The following PTPN21 variants were observed in gnomAD, a reference collection of about 807,000 sequenced individuals.
PTPN21 encodes the protein tyrosine-protein phosphatase non-receptor type 21.
A neutral mutation model predicts 131.8 loss-of-function variants in PTPN21; 77 were observed. The ratio of observed to expected loss-of-function variants is 0.58; its 90% CI spans 0.49 to 0.71. The LOEUF is 0.71. PTPN21 is among the 30% of genes least tolerant of loss of function. The pLI is 0.00. For synonymous variants in PTPN21, 715 were observed against 621.3 expected (o/e 1.15, Z -2.24); for missense variants, 1,552 against 1,527.1 (o/e 1.02, Z -0.27).
rs926665454 is a variant in PTPN21 at position 88,483,073 on chromosome 14, G to A, written c.1078+2003C>T. ...TAAAAATACAAAAAATTAGCCGGGC[G>A]TGGTGGCGGGTGCCTGTAGTCCCAG... On this transcript the variant is annotated intron_variant, in intron 12 of 18. Coordinates refer to ENST00000556564, the MANE Select transcript of PTPN21 (RefSeq NM_007039.4). 3.0e-4 allele frequency among the ~76,000 whole-genome samples: 46 copies of A among 151,806 alleles called. 1 individual carries two copies. The highest frequency in any genetic ancestry group is 2.5e-3 in the Admixed American group (38 of 15,250).
rs115948755 is a variant in PTPN21 at position 88,507,442 on chromosome 14, G to C, written c.448+481C>G. ...TATTGTATAGCCTACTACACACCTA[G>C]GCTATATTGTATAACCTATTGCTCA... On this transcript the variant is annotated intron_variant, in intron 4 of 18. Coordinates refer to ENST00000556564, the MANE Select transcript of PTPN21 (RefSeq NM_007039.4). 5.4e-3 allele frequency among the ~76,000 whole-genome samples: 819 copies of C among 152,178 alleles called. 6 individuals are homozygous for C. The highest frequency in any genetic ancestry group is 0.019 in the African/African-American group (795 of 41,494).
Position 88,468,051 on chromosome 14 carries a change from C to CA in PTPN21, c.*85dup. On this transcript the variant is annotated 3_prime_UTR_variant, in exon 19 of 19. Transcript: ENST00000556564. ...GTGCCACGCTGCGTGGATCAAGTGT[C>CA]AACGGGAAAGTATGAGTTAGGCAAG... The CA allele has an allele frequency of 6.6e-7, 1 of 1,507,706 alleles. No individual in the cohort carries two copies. Among genetic ancestry groups the CA allele is most frequent in the Non-Finnish European group, 9.2e-7 (1 of 1,091,758 alleles). The allele number at this position is 1,507,706 out of a possible 1,614,324, so 93.4% of individuals were successfully genotyped here. A position where few individuals can be genotyped will look rare whatever the true frequency, so the allele number is the denominator to read the frequency against.
At position 88,469,911 on chromosome 14, in the gene PTPN21, T is replaced by G; in HGVS notation, c.3000+11A>C. 6.2e-7 allele frequency: 1 copy of G among 1,613,872 alleles called. No homozygotes were observed. Among genetic ancestry groups the G allele is most frequent in the South Asian group, 1.1e-5 (1 of 91,078 alleles). On this transcript the variant is annotated intron_variant, in intron 16 of 18. Coordinates refer to ENST00000556564, the MANE Select transcript of PTPN21 (RefSeq NM_007039.4). This position sits in a 1 kb window ranked among gnomAD's most constrained non-coding sequence, Gnocchi z 4.3. Reference sequence around the variant, plus strand: ...GGCTGAGAAAATCACTTAAGAGAAATAAGTACCTACCTCTTCTGCTGTCAC... The same window carrying G: ...GGCTGAGAAAATCACTTAAGAGAAAGAAGTACCTACCTCTTCTGCTGTCAC...
chr14:88,484,214 T>G (rs1383209879), intron 12 of PTPN21, among the ~76,000 whole-genome samples: 5 of 51,604 alleles, frequency 9.7e-5, no homozygotes, highest in East Asian at 5.2e-4. Flanking sequence ...CGCCCAGCTA[T>G]TTTTTTTTTT....
intron 10 of PTPN21, among the ~76,000 whole-genome samples, chr14:88,490,472 C>T (rs2077806846): frequency 6.6e-6 from 1 of 152,172 alleles, no homozygotes; most frequent in Non-Finnish European, 1.5e-5. Context: ...CCCACCTCTT[C>T]CTGCCCTGCT....
chr14:88,517,368 T>C (rs1412863379), intron 2 of PTPN21, 107 bp from the exon 3 acceptor site: 5 of 1,233,020 alleles, frequency 4.1e-6, no homozygotes, highest in Non-Finnish European at 5.7e-6. Context: ...CAGTCTCTTA[T>C]TGCCTTTCTT....
intron 2 of PTPN21, among the ~76,000 whole-genome samples, chr14:88,549,190 G>T (rs2078824603): frequency 6.6e-6 from 1 of 152,204 alleles, no homozygotes; most frequent in African/African-American, 2.4e-5. Flanking sequence ...TATCGCGGGA[G>T]GATCGCTTGA....
chr14:88,500,699 G>A, intron 8 of PTPN21, 84 bp downstream of exon 8: 1 of 948,440 alleles, frequency 1.1e-6, no homozygotes, highest in Non-Finnish European at 1.7e-6. Flanking sequence ...ATAGACTTGT[G>A]AACAATTTAA....
intron 12 of PTPN21, 105 bp from the exon 13 acceptor site, chr14:88,480,457 T>G: frequency 1.1e-6 from 1 of 925,086 alleles, no homozygotes; most frequent in Middle Eastern, 2.7e-4. Flanking sequence ...ACACAGCTTG[T>G]AAAAATCCCC....
intron 5 of PTPN21, 107 bp downstream of exon 5, chr14:88,505,197 C>T: frequency 1.1e-6 from 1 of 925,590 alleles, no homozygotes; most frequent in Non-Finnish European, 1.6e-6. Context: ...TTTTTATAAT[C>T]CTATTCCTGA....
At chr14:88,515,103 G>A (rs2078247114) in intron 3 of PTPN21, 1 of 152,206 alleles carries the variant, frequency 6.6e-6, no homozygotes, top group Non-Finnish European at 1.5e-5. Flanking sequence ...GGAGCACTAA[G>A]AGAAAGTGCG....
intron 2 of PTPN21, chr14:88,547,524 T>A: frequency 3.1e-6 from 1 of 326,316 alleles, no homozygotes; most frequent in Non-Finnish European, 6.1e-6. Context: ...TGTGGTGGAG[T>A]GTACCTGTAG....
At chr14:88,525,163 C>G (rs1160252830) in intron 2 of PTPN21, among the ~76,000 whole-genome samples, 1 of 151,982 alleles carries the variant, frequency 6.6e-6, no homozygotes, top group East Asian at 1.9e-4. Context: ...TCACTTTAAC[C>G]CCAACAGATC....
At chr14:88,525,717 T>A (rs759516904) in intron 2 of PTPN21, among the ~76,000 whole-genome samples, 3 of 151,994 alleles carry the variant, frequency 2.0e-5, no homozygotes, top group African/African-American at 4.8e-5. Flanking sequence ...CCAAAAGAAC[T>A]GAAAAACAGG....
At position 88,468,306 on chromosome 14, in the gene PTPN21, T is replaced by TA. The variant is rs774510765; in HGVS notation, c.3397-42_3397-41insT. The TA allele has an allele frequency of 4.5e-6, 7 of 1,542,798 alleles. No individual in the cohort carries two copies. In the Admixed American group the frequency reaches 6.2e-5, roughly 14 times the overall value. The stretch of plus-strand genomic sequence containing the variant: ...CGGTAATGAAGATAATGTGTTCCCC[T>TA]GGGGAGACAGAAAGGATGGGAGGAC... On this transcript the variant is annotated intron_variant, in intron 18 of 18. Coordinates refer to ENST00000556564, the MANE Select transcript of PTPN21 (RefSeq NM_007039.4).
intron 2 of PTPN21, among the ~76,000 whole-genome samples, chr14:88,519,338 TC>T (rs2078353604): frequency 6.6e-6 from 1 of 152,170 alleles, no homozygotes; most frequent in Non-Finnish European, 1.5e-5. Context: ...ATGGAAATTA[TC>T]TACATCTGCA....
rs1331573657 is a variant in PTPN21 at position 88,479,041 on chromosome 14, G to C, written c.2390C>G (p.Ser797Trp). Reference protein sequence around the residue: ...WRDGLLMPSMSESDLTTSGRY... With the variant: ...WRDGLLMPSMWESDLTTSGRY... ...GCCTGACGTGGTGAGGTCGGACTCC[G>C]ACATGGAGGGCATCAGCAGCCCGTC... The change falls in exon 13 of 19, where the codon TCG (serine) becomes TGG (tryptophan). Residue 797 changes from serine (S) to tryptophan (W), a missense_variant. Ser to Trp is a radical substitution (Grantham distance 177, BLOSUM62 -3). Coordinates refer to ENST00000556564, the MANE Select transcript of PTPN21 (RefSeq NM_007039.4). 3.2e-5 allele frequency: 52 copies of C among 1,607,334 alleles called. No individual in the cohort carries two copies. The highest frequency in any genetic ancestry group is 4.3e-5 in the Non-Finnish European group (51 of 1,177,606).
chr14:88,477,714 G>T (rs1260674310), intron 13 of PTPN21, among the ~76,000 whole-genome samples: 1 of 152,130 alleles, frequency 6.6e-6, no homozygotes, highest in African/African-American at 2.4e-5. Context: ...GCCAACAGGA[G>T]ATAGGATGGA....
At chr14:88,500,412 A>T (rs1023764495) in intron 8 of PTPN21, among the ~76,000 whole-genome samples, 2 of 152,242 alleles carry the variant, frequency 1.3e-5, no homozygotes, top group African/African-American at 4.8e-5. Flanking sequence ...CCTGGGCAAC[A>T]GAGTGAGACC....
Sources: gnomAD v4.1 joint callset for allele counts (sites outside exome capture counted in the v4.1 genomes callset) on GRCh38, gnomAD v4.1.1 for gene constraint, Gnocchi (gnomAD v3.1) non-coding constraint, MANE v1.5 for transcripts, NCBI Gene and HGNC (gene_info 2026-07-23, HGNC 2026-07-21) for gene names.